The following WIPF3 variants were observed in gnomAD, a reference collection of about 807,000 sequenced individuals.
WIPF3 encodes WAS/WASL interacting protein family member 3, also known as WAS/WASL-interacting protein family member 3.
A neutral mutation model predicts 38.9 loss-of-function variants in WIPF3; 33 were observed. The ratio of observed to expected loss-of-function variants is 0.85; its 90% CI spans 0.64 to 1.14. The LOEUF is 1.14. WIPF3 is among the 50% of genes most tolerant of loss of function. The pLI, the probability that WIPF3 is intolerant of heterozygous loss-of-function variation, is 0.00. For missense variants in WIPF3, 711 were observed against 652.5 expected, an observed-to-expected ratio of 1.09 and a Z score of -0.98; for synonymous variants, 324 against 269.3, an observed-to-expected ratio of 1.20 and a Z score of -1.99.
At chr7:29,829,359 G>A (rs1784680030) in intron 1 of WIPF3, among the ~76,000 whole-genome samples, 1 of 151,952 alleles carries the variant, frequency 6.6e-6, no homozygotes, top group South Asian at 2.1e-4. Context: ...TGGGATTACA[G>A]GAGCCTGCCA....
chr7:29,903,491 G>A (rs1251046320), intron 7 of WIPF3, among the ~76,000 whole-genome samples: 1 of 151,732 alleles, frequency 6.6e-6, no homozygotes, highest in Non-Finnish European at 1.5e-5. Context: ...GATTGTTCTG[G>A]AGACTTTGGG....
chr7:29,816,399 T>C (rs182173098), intron 1 of WIPF3, among the ~76,000 whole-genome samples: 30 of 152,306 alleles, frequency 2.0e-4, no homozygotes, highest in Admixed American at 7.8e-4. Flanking sequence ...TGCCTGATTA[T>C]GGCTCACTGC....
chr7:29,869,668 A>G (rs10236764), intron 2 of WIPF3, among the ~76,000 whole-genome samples: 22,792 of 151,936 alleles, frequency 0.15, 2,008 homozygotes, highest in African/African-American at 0.24. Context: ...CTTTCTCCAT[A>G]TTTCTTTCTA....
intron 8 of WIPF3, among the ~76,000 whole-genome samples, chr7:29,910,697 C>T (rs993908751): frequency 6.6e-6 from 1 of 151,982 alleles, no homozygotes; most frequent in African/African-American, 2.4e-5. Flanking sequence ...GCAGAAAAAG[C>T]ATTTGACAAA....
intron 1 of WIPF3, among the ~76,000 whole-genome samples, chr7:29,830,586 C>T (rs1387635153): frequency 1.4e-5 from 2 of 146,718 alleles, no homozygotes; most frequent in African/African-American, 5.1e-5. Context: ...CGCCGCTGCA[C>T]TCCAGGCTGG....
At chr7:29,868,899 C>T (rs987567570) in intron 2 of WIPF3, among the ~76,000 whole-genome samples, 10 of 152,126 alleles carry the variant, frequency 6.6e-5, no homozygotes, top group Non-Finnish European at 1.3e-4. Flanking sequence ...ATAGGACCAC[C>T]GTCGTATGTG....
chr7:29,856,170 T>G (rs1455614203), intron 2 of WIPF3, among the ~76,000 whole-genome samples: 2 of 152,198 alleles, frequency 1.3e-5, no homozygotes, highest in Non-Finnish European at 1.5e-5. Context: ...TCTTTAGGGG[T>G]TTTTATACAT....
At chr7:29,885,301 T>G (rs1471118428) in intron 5 of WIPF3, among the ~76,000 whole-genome samples, 4 of 152,216 alleles carry the variant, frequency 2.6e-5, no homozygotes, top group Non-Finnish European at 1.5e-5. Context: ...AGTGCCCCTG[T>G]GAATGGAAAG....
intron 2 of WIPF3, among the ~76,000 whole-genome samples, chr7:29,857,670 C>T (rs1369723613): frequency 6.6e-6 from 1 of 152,154 alleles, no homozygotes; most frequent in Non-Finnish European, 1.5e-5. Context: ...TGACTTCTCC[C>T]AGGGATGTTG....
chr7:29,865,121 A>G (rs549729636), intron 2 of WIPF3, among the ~76,000 whole-genome samples: 5 of 152,272 alleles, frequency 3.3e-5, no homozygotes, highest in African/African-American at 1.2e-4. Flanking sequence ...AATTTTATGG[A>G]TGAGGAAATT....
chr7:29,908,908 CAA>C (rs59015755), intron 8 of WIPF3, among the ~76,000 whole-genome samples: 19,393 of 82,354 alleles, frequency 0.24, 1,279 homozygotes, highest in African/African-American at 0.29. Context: ...AACTCCATCT[CAA>C]AAAAAAAAAA....
intron 1 of WIPF3, among the ~76,000 whole-genome samples, chr7:29,812,152 C>T (rs1158599589): frequency 6.6e-6 from 1 of 152,300 alleles, no homozygotes; most frequent in South Asian, 2.1e-4. Context: ...TGCTAGAAAG[C>T]ATAAATATTT....
rs1163648974 is a variant in WIPF3 at position 29,889,416 on chromosome 7, C to T, written c.1351+9C>T. The T allele has an allele frequency of 1.9e-6, 3 of 1,608,968 alleles. No homozygotes were observed. The East Asian group carries it at 6.7e-5, about 36-fold the overall frequency. On this transcript the variant is annotated intron_variant, in intron 7 of 8. Coordinates refer to ENST00000242140, the MANE Select transcript of WIPF3 (RefSeq NM_001080529.3). ...CAGCAAGATCCCCAGAAGTAAGTAC[C>T]ACCTTGATAAGACTCCTGGCATCTC...
chr7:29,812,553 A>G (rs1238671326), intron 1 of WIPF3, among the ~76,000 whole-genome samples: 1 of 152,222 alleles, frequency 6.6e-6, no homozygotes, highest in East Asian at 1.9e-4. Context: ...ATGTCCTTCT[A>G]TTAGTGAGGT....
intron 5 of WIPF3, among the ~76,000 whole-genome samples, chr7:29,885,797 CAG>C (rs1785863998): frequency 6.6e-6 from 1 of 152,186 alleles, no homozygotes; most frequent in African/African-American, 2.4e-5. Flanking sequence ...GATTGGATGA[CAG>C]AGCCAGATGC....
chr7:29,903,362 G>A (rs962578334), intron 7 of WIPF3, among the ~76,000 whole-genome samples: 10 of 151,958 alleles, frequency 6.6e-5, no homozygotes, highest in Non-Finnish European at 1.3e-4. Flanking sequence ...ATGTAATACT[G>A]AACCCTACGT....
At chr7:29,859,163 A>G (rs144791649) in intron 2 of WIPF3, among the ~76,000 whole-genome samples, 93 of 152,328 alleles carry the variant, frequency 6.1e-4, no homozygotes, top group Non-Finnish European at 9.1e-4. Context: ...ACAAGGTAGC[A>G]GTAAGAATGG....
At chr7:29,826,416 C>T (rs555032183) in intron 1 of WIPF3, among the ~76,000 whole-genome samples, 2 of 152,292 alleles carry the variant, frequency 1.3e-5, no homozygotes, top group African/African-American at 4.8e-5. Context: ...TCTCCAGTGA[C>T]TCACCCTCCA....
chr7:29,825,466 ATG>A (rs1463452903), intron 1 of WIPF3, among the ~76,000 whole-genome samples: 1 of 152,236 alleles, frequency 6.6e-6, no homozygotes, highest in Non-Finnish European at 1.5e-5. Flanking sequence ...TTACTCGTGA[ATG>A]TGTGATTAAT....
Sources: gnomAD v4.1 joint callset for allele counts (sites outside exome capture counted in the v4.1 genomes callset) on GRCh38, gnomAD v4.1.1 for gene constraint, MANE v1.5 for transcripts, NCBI Gene and HGNC (gene_info 2026-07-23, HGNC 2026-07-21) for gene names.